The following TNPO2 variants were observed in gnomAD, a reference collection of about 807,000 sequenced individuals.
The protein encoded by TNPO2 is transportin-2.
In TNPO2, 16 loss-of-function variants were observed where a neutral mutation model predicts 111.1. That is an observed-to-expected ratio of 0.14 (90% CI 0.10 to 0.22). TNPO2 has a LOEUF of 0.22. Among genes scored for constraint, TNPO2 ranks in the 10% least tolerant of loss-of-function variants. TNPO2 has a pLI of 1.00. For synonymous variants in TNPO2, 481 were observed against 475.8 expected, an observed-to-expected ratio of 1.01 and a Z score of -0.14; for missense variants, 530 against 1,173.7, an observed-to-expected ratio of 0.45 and a Z score of 8.01.
At position 12,714,808 on chromosome 19, in the gene TNPO2, C is replaced by T. The variant is rs773154652; in HGVS notation, c.890+13G>A. 6.2e-7 allele frequency: 1 copy of T among 1,608,056 alleles called. No homozygotes were observed. The highest frequency in any genetic ancestry group is 1.1e-5 in the South Asian group (1 of 90,962). On this transcript the variant is annotated intron_variant, in intron 10 of 25. Coordinates refer to ENST00000425528, the MANE Select transcript of TNPO2 (RefSeq NM_001382241.1). The stretch of plus-strand genomic sequence containing the variant: ...GAAGCTGGGGTAGGACAGTGGGCAG[C>T]AGCAGCACTCACTGGACCAGATGGG...
chr19:12,703,103 C>A (rs1362571003), intron 20 of TNPO2, 185 bp from the exon 21 acceptor site: 5 of 606,446 alleles, frequency 8.2e-6, no homozygotes, highest in Non-Finnish European at 1.5e-5. Flanking sequence ...CAGGGACAGA[C>A]CCACACCCTC....
intron 20 of TNPO2, chr19:12,703,127 C>G: frequency 1.7e-6 from 1 of 592,442 alleles, no homozygotes; most frequent in East Asian, 2.8e-5. Context: ...ACAACAGAGG[C>G]TTCTCTGGAG....
In TNPO2 at chr19:12,705,360, G is replaced by A. The variant is rs2025581112; in HGVS notation, c.1902C>T (p.Asp634=). Residue 634 remains aspartate (D), a synonymous_variant, in exon 18 of 26, where the codon GAC becomes GAT. Coordinates refer to ENST00000425528, the MANE Select transcript of TNPO2 (RefSeq NM_001382241.1). This position sits in a 1 kb window ranked among gnomAD's most constrained non-coding sequence, Gnocchi z 7.2. ...CCAGTGCTACGATCATGAAGTCCTT[G>A]TCGGGAGCCTCATACTGCTCAGGGT... ...TQHPEQYEAP[D]KDFMIVALDL... is the part of the protein sequence containing the mutation. 2 of 1,588,190 alleles carry A rather than the reference G, an allele frequency of 1.3e-6. No homozygotes were observed. The highest frequency in any genetic ancestry group is 1.3e-5 in the African/African-American group (1 of 74,310).
intron 3 of TNPO2, 124 bp downstream of exon 3, chr19:12,720,755 G>C: frequency 8.2e-7 from 1 of 1,222,096 alleles, no homozygotes; most frequent in South Asian, 1.6e-5. Flanking sequence ...GTCCAGGGCA[G>C]ATCCTCCGCA....
In TNPO2 at chr19:12,715,223, C is replaced by T. The variant is rs768375347; in HGVS notation, c.648+20G>A. 1.9e-6 allele frequency: 3 copies of T among 1,613,792 alleles called. No individual in the cohort carries two copies. Among genetic ancestry groups the T allele is most frequent in the Non-Finnish European group, 1.7e-6 (2 of 1,179,826 alleles). On this transcript the variant is annotated intron_variant, in intron 8 of 25. Coordinates refer to ENST00000425528, the MANE Select transcript of TNPO2 (RefSeq NM_001382241.1). This position sits in a 1 kb window ranked among gnomAD's most constrained non-coding sequence, Gnocchi z 7.1. ...GGGCCCTCAGTCCTCGCCCTGCCCA[C>T]CCCCAGCCCAGCGGCCCACCTCGAT...
Position 12,719,480 on chromosome 19 carries a change from C to CACCTCAGAGCACCACA in TNPO2, c.100-145_100-144insTGTGGTGCTCTGAGGT. The CACCTCAGAGCACCACA allele has an allele frequency of 1.4e-6, 1 of 703,014 alleles. No individual in the cohort carries two copies. The highest frequency in any genetic ancestry group is 2.5e-6 in the Non-Finnish European group (1 of 395,838). The allele number at this position is 703,014 out of a possible 1,614,324, so 43.5% of individuals were successfully genotyped here. On this transcript the variant is annotated intron_variant, in intron 3 of 25. Coordinates refer to ENST00000425528, the MANE Select transcript of TNPO2 (RefSeq NM_001382241.1). This position sits in a 1 kb window ranked among gnomAD's most constrained non-coding sequence, Gnocchi z 5.0. ...GCTCCCTAATAAGCCCACAATGACA[C>CACCTCAGAGCACCACA]AGAGCACCTCAGACACGTCAAATTC...
chr19:12,709,781 C>A (rs969797900), intron 13 of TNPO2, among the ~76,000 whole-genome samples: 6 of 151,724 alleles, frequency 4.0e-5, no homozygotes, highest in South Asian at 2.1e-4. Context: ...CCACACCTGG[C>A]CTTTTTAAAA....
At chr19:12,713,463 G>A (rs970092398) in intron 10 of TNPO2, among the ~76,000 whole-genome samples, 22 of 132,400 alleles carry the variant, frequency 1.7e-4, no homozygotes, top group Non-Finnish European at 1.1e-4. Flanking sequence ...AATATAGTGA[G>A]ACCTCACCTC....
chr19:12,704,918 A>G (rs1938319707), intron 18 of TNPO2, among the ~76,000 whole-genome samples: 2 of 152,138 alleles, frequency 1.3e-5, no homozygotes, highest in African/African-American at 4.8e-5. Context: ...CCTGACCTCA[A>G]GTGATTCACC....
At chr19:12,712,352 G>A (rs8106490) in intron 10 of TNPO2, among the ~76,000 whole-genome samples, 1 of 151,992 alleles carries the variant, frequency 6.6e-6, no homozygotes, top group African/African-American at 2.4e-5. Flanking sequence ...CCCTTTCCCC[G>A]GGGGAGTTTA....
At chr19:12,717,795 G>A (rs1052922358) in intron 5 of TNPO2, among the ~76,000 whole-genome samples, 2 of 151,906 alleles carry the variant, frequency 1.3e-5, no homozygotes, top group African/African-American at 2.4e-5. Flanking sequence ...TCCTGCCTCA[G>A]CCTCTCGAGT....
In TNPO2 at chr19:12,715,058, T is replaced by C; in HGVS notation, c.760A>G (p.Ser254Gly). The C allele has an allele frequency of 6.4e-7, 1 of 1,572,072 alleles. No homozygotes were observed. The highest frequency in any genetic ancestry group is 8.6e-7 in the Non-Finnish European group (1 of 1,157,422). Residue 254 changes from serine (S) to glycine (G), a missense_variant, in exon 9 of 26, where the codon AGC becomes GGC. By Grantham distance (56) the Ser-to-Gly change is moderately conservative. This residue lies in a region of TNPO2 where 156 missense variants were observed against 405.8 expected (regional missense o/e 0.38). Transcript: ENST00000425528. The surrounding 1 kb of genome is among the most constrained non-coding windows in gnomAD (Gnocchi z 7.1). ...TTGACCATGCACACCTGGATGATGC[T>C]GTGCATGTGGGGGATGAGCCTGTCA... is the stretch of plus-strand genomic sequence containing the variant. ...RIDRLIPHMH[S>G]IIQYMLQRTQ...
chr19:12,717,268 CTTTT>C lies in TNPO2; in HGVS notation c.326-1533_326-1530del, dbSNP rs554725285. On this transcript the variant is annotated intron_variant, in intron 5 of 25. Coordinates refer to ENST00000425528, the MANE Select transcript of TNPO2 (RefSeq NM_001382241.1). ...GTTATCAGTAGGTTTCTTTTTCTCT[CTTTT>C]TTTTTTTTTTTTTTTTTGAGATGGA... 2.6e-3 allele frequency among the ~76,000 whole-genome samples: 316 copies of C among 122,378 alleles called. 3 individuals are homozygous for C. Among genetic ancestry groups the C allele is most frequent in the African/African-American group, 0.01 (301 of 29,298 alleles). 80.3% of individuals were successfully genotyped at this position (122,378 alleles called of 152,430 possible).
intron 13 of TNPO2, among the ~76,000 whole-genome samples, chr19:12,707,011 T>A (rs1030649129): frequency 6.6e-6 from 1 of 152,204 alleles, no homozygotes; most frequent in South Asian, 2.1e-4. Context: ...ATCTTTATTT[T>A]TTTTTGAGGC....
chr19:12,709,456 T>G (rs1230745293), intron 13 of TNPO2, among the ~76,000 whole-genome samples: 2 of 152,262 alleles, frequency 1.3e-5, no homozygotes, highest in East Asian at 3.9e-4. Context: ...ATGAGATACA[T>G]TAAACACATA....
intron 13 of TNPO2, among the ~76,000 whole-genome samples, chr19:12,707,287 G>T (rs1021597446): frequency 3.3e-5 from 5 of 151,972 alleles, no homozygotes; most frequent in African/African-American, 7.3e-5. Context: ...GTGAGCCACC[G>T]CGCCCAGCCA....
rs901989567 is a variant in TNPO2, at chr19:12,720,846, G to A, written c.99+33C>T. 7 of 1,559,116 alleles carry A rather than the reference G, an allele frequency of 4.5e-6. No homozygotes were observed. The African/African-American group carries it at 5.5e-5, about 12-fold the overall frequency. Reference sequence around the variant, plus strand: ...CTTTGGAAACTGCACGCATCTACCCGGCTCCCCCAGCCCCGGAAGGAAGGA... The same window carrying A: ...CTTTGGAAACTGCACGCATCTACCCAGCTCCCCCAGCCCCGGAAGGAAGGA... On this transcript the variant is annotated intron_variant, in intron 3 of 25. Coordinates refer to ENST00000425528, the MANE Select transcript of TNPO2 (RefSeq NM_001382241.1).
At chr19:12,723,105 C>G (rs1967112218) in intron 2 of TNPO2, 144 bp downstream of exon 2, 1 of 152,172 alleles carries the variant, frequency 6.6e-6, no homozygotes, top group African/African-American at 2.4e-5. Context: ...CCTACAGAAG[C>G]CTCTGCCACT....
At position 12,719,136 on chromosome 19, in the gene TNPO2, T is replaced by A; in HGVS notation, c.218A>T (p.Asn73Ile). ...RSLSGLILKN[N>I]VKAHYQSFPP... ...GAAGCTCTGATAGTGTGCCTTCACG[T>A]TGTTCTTGAGGATGAGGCCACTGAG... The change falls in exon 5 of 26, where the codon AAC (asparagine) becomes ATC (isoleucine). Residue 73 changes from asparagine (N) to isoleucine (I), a missense_variant. Physicochemically the swap from Asn to Ile is moderately radical, Grantham distance 149. Coordinates refer to ENST00000425528, the MANE Select transcript of TNPO2 (RefSeq NM_001382241.1). This position sits in a 1 kb window ranked among gnomAD's most constrained non-coding sequence, Gnocchi z 5.0. 6.2e-7 allele frequency: 1 copy of A among 1,613,876 alleles called. No individual in the cohort carries two copies. Among genetic ancestry groups the A allele is most frequent in the Non-Finnish European group, 8.5e-7 (1 of 1,179,864 alleles).
Sources: gnomAD v4.1 joint callset for allele counts (sites outside exome capture counted in the v4.1 genomes callset) on GRCh38, gnomAD v4.1.1 for gene constraint, gnomAD v4.1.1 regional missense constraint, Gnocchi (gnomAD v3.1) non-coding constraint, MANE v1.5 for transcripts, NCBI Gene and HGNC (gene_info 2026-07-23, HGNC 2026-07-21) for gene names.